Variants in SIPA1L1 observed in about 807,000 individuals in gnomAD.
The protein encoded by SIPA1L1 is signal induced proliferation associated 1 like 1.
A neutral mutation model predicts 162.7 loss-of-function variants in SIPA1L1; 26 were observed. The observed-to-expected ratio is 0.16, with a 90% CI of 0.12 to 0.22. SIPA1L1 has a LOEUF of 0.22. Ranked by LOEUF, SIPA1L1 falls within the 10% of genes least tolerant of loss-of-function variation. SIPA1L1 has a pLI of 1.00. For synonymous variants in SIPA1L1, 829 were observed against 837.4 expected, an observed-to-expected ratio of 0.99 and a Z score of 0.17; for missense variants, 1,874 against 2,241.0, an observed-to-expected ratio of 0.84 and a Z score of 3.31.
At chr14:71,468,510 T>C (rs534138902) in intron 2 of SIPA1L1, among the ~76,000 whole-genome samples, 1 of 151,960 alleles carries the variant, frequency 6.6e-6, no homozygotes, top group African/African-American at 2.4e-5. Flanking sequence ...GCCACACACT[T>C]GGGAAAAAAA....
At chr14:71,705,067 C>T (rs529589858) in intron 15 of SIPA1L1, 155 bp from the exon 16 acceptor site, 2 of 650,170 alleles carry the variant, frequency 3.1e-6, no homozygotes, top group African/African-American at 1.8e-5. Flanking sequence ...TTCTGACCTG[C>T]TGTCTATCAA....
intron 2 of SIPA1L1, among the ~76,000 whole-genome samples, chr14:71,336,567 A>G (rs1432827503): frequency 6.6e-6 from 1 of 152,230 alleles, no homozygotes; most frequent in Non-Finnish European, 1.5e-5. Flanking sequence ...TAAGGATTCA[A>G]AACCAAATAT....
chr14:71,404,546 A>G (rs1485934428), intron 2 of SIPA1L1, among the ~76,000 whole-genome samples: 1 of 152,194 alleles, frequency 6.6e-6, no homozygotes, highest in Non-Finnish European at 1.5e-5. Flanking sequence ...CCAAGGTTCT[A>G]GGGGGAAGAA....
chr14:71,610,603 C>T (rs1335154542), intron 5 of SIPA1L1, among the ~76,000 whole-genome samples: 1 of 152,148 alleles, frequency 6.6e-6, no homozygotes, highest in Admixed American at 6.5e-5. Context: ...AATAAAAAAT[C>T]TCTCATGATT....
At chr14:71,682,299 T>A (rs971310725) in intron 12 of SIPA1L1, among the ~76,000 whole-genome samples, 1 of 152,218 alleles carries the variant, frequency 6.6e-6, no homozygotes, top group Non-Finnish European at 1.5e-5. Context: ...TAGAATGATA[T>A]AATAAAAATC....
chr14:71,677,102 T>C (rs902798390), intron 12 of SIPA1L1, among the ~76,000 whole-genome samples: 4 of 152,224 alleles, frequency 2.6e-5, no homozygotes, highest in African/African-American at 9.6e-5. Context: ...AGTGTAAAAG[T>C]GTTCCTATTT....
chr14:71,536,739 G>T (rs896555414), intron 4 of SIPA1L1, among the ~76,000 whole-genome samples: 1 of 152,216 alleles, frequency 6.6e-6, no homozygotes, highest in Non-Finnish European at 1.5e-5. Context: ...TTGAGAGACT[G>T]ATTTAAATTA....
At chr14:71,658,246 TTC>T (rs1431274253) in intron 8 of SIPA1L1, 85 bp from the exon 9 acceptor site, 1 of 727,130 alleles carries the variant, frequency 1.4e-6, no homozygotes, top group African/African-American at 1.8e-5. Context: ...TTTTCTTTTC[TTC>T]TCTTTTCTTT....
intron 2 of SIPA1L1, among the ~76,000 whole-genome samples, chr14:71,375,230 C>G (rs1003211567): frequency 1.3e-5 from 2 of 152,072 alleles, no homozygotes; most frequent in Non-Finnish European, 2.9e-5. Flanking sequence ...CTTGGGGATT[C>G]TCTTGGGCTT....
At chr14:71,705,044 C>T (rs2082341746) in intron 15 of SIPA1L1, 178 bp from the exon 16 acceptor site, 1 of 620,056 alleles carries the variant, frequency 1.6e-6, no homozygotes, top group Non-Finnish European at 2.9e-6. Flanking sequence ...CTTTATCCAT[C>T]AGCCACTTAA....
intron 2 of SIPA1L1, among the ~76,000 whole-genome samples, chr14:71,495,327 C>T (rs1211361998): frequency 2.6e-5 from 4 of 151,746 alleles, no homozygotes; most frequent in Non-Finnish European, 4.4e-5. Context: ...TTTTCTGTTT[C>T]TTCTTGAGTT....
chr14:71,348,288 TAAC>T (rs1006716802), intron 2 of SIPA1L1, among the ~76,000 whole-genome samples: 5 of 152,206 alleles, frequency 3.3e-5, no homozygotes, highest in South Asian at 4.1e-4. Flanking sequence ...ACCCCAAAGA[TAAC>T]AGCTCTTTTG....
chr14:71,399,698 AC>A (rs899449033), intron 2 of SIPA1L1, among the ~76,000 whole-genome samples: 4 of 150,678 alleles, frequency 2.7e-5, no homozygotes, highest in African/African-American at 9.8e-5. Flanking sequence ...GCAGGTATAA[AC>A]CACCACACCT....
Position 71,583,262 on chromosome 14 carries a change from A to T in SIPA1L1, c.-302-4309A>T, listed in dbSNP as rs539434037. 2.0e-5 allele frequency among the ~76,000 whole-genome samples: 3 copies of T among 152,296 alleles called. No individual in the cohort carries two copies. In the South Asian group the frequency reaches 6.2e-4, roughly 32 times the overall value. ...TGCCTTGGCCTTCTAAAGTGCTGGG[A>T]TTACAGGCACAAGGCACTGTGCTGG... On this transcript the variant is annotated intron_variant, in intron 4 of 23. Coordinates refer to ENST00000381232, the MANE Select transcript of SIPA1L1 (RefSeq NM_001386936.1).
At chr14:71,405,366 C>G (rs1273623771) in intron 2 of SIPA1L1, among the ~76,000 whole-genome samples, 1 of 152,104 alleles carries the variant, frequency 6.6e-6, no homozygotes, top group Non-Finnish European at 1.5e-5. Context: ...GACAGAGGTT[C>G]CAGATGAAAT....
In SIPA1L1 at chr14:71,447,894, G is replaced by A. The variant is rs189388413; in HGVS notation, c.-464-64849G>A. On this transcript the variant is annotated intron_variant, in intron 2 of 23. Coordinates refer to ENST00000381232, the MANE Select transcript of SIPA1L1 (RefSeq NM_001386936.1). ...TACTATTGATTTTTTTGTTAGAGTG[G>A]TATCCAGAATATTCATTTAATGTGC... is the stretch of plus-strand genomic sequence containing the variant. Among the ~76,000 whole-genome samples the A allele has an allele frequency of 3.0e-3, 460 of 152,124 alleles. 2 individuals carry two copies. Among genetic ancestry groups the A allele is most frequent in the South Asian group, 5.8e-3 (28 of 4,814 alleles).
chr14:71,399,747 A>G (rs1478746715), intron 2 of SIPA1L1, among the ~76,000 whole-genome samples: 1 of 149,646 alleles, frequency 6.7e-6, no homozygotes, highest in Non-Finnish European at 1.5e-5. Flanking sequence ...TTTTTTTGAG[A>G]TGCTTGCCCT....
At chr14:71,551,063 G>A (rs545389231) in intron 4 of SIPA1L1, among the ~76,000 whole-genome samples, 26 of 152,200 alleles carry the variant, frequency 1.7e-4, no homozygotes, top group African/African-American at 5.3e-4. Flanking sequence ...CCTCTGCCTG[G>A]AACATTCATG....
Position 71,738,161 on chromosome 14 carries a change from T to TAAAA in SIPA1L1, c.5124-58_5124-55dup, listed in dbSNP as rs34549978. 3.8e-3 allele frequency: 1,406 copies of TAAAA among 367,374 alleles called. 1 individual carries two copies. The highest frequency in any genetic ancestry group is 6.1e-3 in the African/African-American group (164 of 26,714). 22.8% of individuals were successfully genotyped at this position (367,374 alleles called of 1,614,324 possible). ...TTTTATAAATACAGCCTCCTCAGAG[T>TAAAA]AAAAAAAAAAAAAAAAAAAAAAAAA... is the stretch of plus-strand genomic sequence containing the variant. On this transcript the variant is annotated intron_variant, in intron 22 of 23. Coordinates refer to ENST00000381232, the MANE Select transcript of SIPA1L1 (RefSeq NM_001386936.1).
Sources: gnomAD v4.1 joint callset for allele counts (sites outside exome capture counted in the v4.1 genomes callset) on GRCh38, gnomAD v4.1.1 for gene constraint, MANE v1.5 for transcripts, NCBI Gene and HGNC (gene_info 2026-07-23, HGNC 2026-07-21) for gene names.